IL1RAPL2: variants seen among roughly 807,000 people sequenced by gnomAD.
The protein encoded by IL1RAPL2 is interleukin 1 receptor accessory protein like 2, also known as X-linked interleukin-1 receptor accessory protein-like 2.
In IL1RAPL2, 3 loss-of-function variants were observed where a neutral mutation model predicts 44.1. The observed-to-expected ratio is 0.07, with a 90% CI of 0.03 to 0.18. The LOEUF (loss-of-function observed/expected upper bound fraction) is 0.18. Among genes scored for constraint, IL1RAPL2 ranks in the 10% least tolerant of loss-of-function variants. The pLI, the probability that IL1RAPL2 is intolerant of heterozygous loss-of-function variation, is 1.00. For missense variants in IL1RAPL2, 391 were observed against 496.4 expected (o/e 0.79, Z 2.02); for synonymous variants, 181 against 178.8 (o/e 1.01, Z -0.10).
chrX:105,767,568 T>TAAC lies in IL1RAPL2; in HGVS notation c.1970_1972dup (p.Asn657dup). The TAAC allele has an allele frequency of 9.1e-6, 11 of 1,210,460 alleles. No homozygotes were observed. The highest frequency in any genetic ancestry group is 1.2e-5 in the Non-Finnish European group (11 of 894,414). On this transcript the variant is annotated inframe_insertion, in exon 11 of 11. Coordinates refer to ENST00000372582, the MANE Select transcript of IL1RAPL2 (RefSeq NM_017416.2). Reference sequence around the variant, plus strand: ...TACTCAACGGACAGCTACCCCTTAATAACACCCTGAAAGATACCCAGGAAT... The same window carrying TAAC: ...TACTCAACGGACAGCTACCCCTTAATAACAACACCCTGAAAGATACCCAGGAAT...
intron 6 of IL1RAPL2, among the ~76,000 whole-genome samples, chrX:105,572,425 A>G (rs775662382): frequency 1.8e-5 from 2 of 112,025 alleles, no homozygotes; most frequent in South Asian, 7.4e-4. Flanking sequence ...AAAATTAATT[A>G]CTATTTGGTT....
chrX:104,754,021 C>G (rs1157307316), intron 2 of IL1RAPL2, among the ~76,000 whole-genome samples: 1 of 111,109 alleles, frequency 9.0e-6, no homozygotes, highest in East Asian at 2.8e-4. Context: ...CTTCAAAGTA[C>G]GTTGTGGATG....
At chrX:104,746,095 A>G (rs768110224) in intron 2 of IL1RAPL2, among the ~76,000 whole-genome samples, 1 of 112,065 alleles carries the variant, frequency 8.9e-6, no homozygotes, top group African/African-American at 3.2e-5. Context: ...ATGGTAAGAA[A>G]ACAAAACAAT....
intron 6 of IL1RAPL2, among the ~76,000 whole-genome samples, chrX:105,701,245 G>A (rs1446206199): frequency 3.6e-5 from 4 of 111,318 alleles, no homozygotes; most frequent in Non-Finnish European, 3.8e-5. Flanking sequence ...GTATGGAGAT[G>A]TAAGAGTAGA....
intron 2 of IL1RAPL2, among the ~76,000 whole-genome samples, chrX:104,916,778 AG>A (rs878954657): frequency 9.0e-6 from 1 of 111,041 alleles, no homozygotes; most frequent in Non-Finnish European, 1.9e-5. Context: ...TTTAGCATGA[AG>A]GGTTGTTGAA....
chrX:104,783,029 A>T (rs906167816), intron 2 of IL1RAPL2, among the ~76,000 whole-genome samples: 1 of 111,945 alleles, frequency 8.9e-6, no homozygotes, highest in Non-Finnish European at 1.9e-5. Flanking sequence ...TGGGCATTAA[A>T]AGTTCCTCCA....
At chrX:104,895,413 T>G (rs1923612652) in intron 2 of IL1RAPL2, among the ~76,000 whole-genome samples, 1 of 112,585 alleles carries the variant, frequency 8.9e-6, no homozygotes, top group African/African-American at 3.2e-5. Context: ...CAGGACTCCT[T>G]TAGCTGTGGT....
chrX:105,272,856 T>A (rs2147659280), intron 5 of IL1RAPL2, among the ~76,000 whole-genome samples: 1 of 112,273 alleles, frequency 8.9e-6, no homozygotes, highest in Non-Finnish European at 1.9e-5. Flanking sequence ...TTTCCTCTGG[T>A]GTGGAAAATG....
intron 2 of IL1RAPL2, among the ~76,000 whole-genome samples, chrX:104,709,667 A>G (rs967849148): frequency 9.0e-6 from 1 of 111,389 alleles, no homozygotes; most frequent in Non-Finnish European, 1.9e-5. Flanking sequence ...AACATCATCA[A>G]AACAAAACAC....
intron 6 of IL1RAPL2, among the ~76,000 whole-genome samples, chrX:105,670,214 A>AT (rs2037811132): frequency 1.8e-5 from 1 of 56,372 alleles, no homozygotes. Flanking sequence ...AAATGGACTG[A>AT]TTTTTCCTAC....
chrX:104,898,917 A>G, intron 2 of IL1RAPL2, among the ~76,000 whole-genome samples: 1 of 112,535 alleles, frequency 8.9e-6, no homozygotes, highest in Non-Finnish European at 1.9e-5. Flanking sequence ...TTGTTTTTGT[A>G]TGATAAAAGA....
intron 2 of IL1RAPL2, among the ~76,000 whole-genome samples, chrX:104,945,970 C>T (rs1925335270): frequency 9.1e-6 from 1 of 110,059 alleles, no homozygotes. Context: ...AAAGTAGTCC[C>T]ATTTTTAAAG....
chrX:105,408,792 G>T (rs1239796762), intron 5 of IL1RAPL2, among the ~76,000 whole-genome samples: 2 of 109,989 alleles, frequency 1.8e-5, no homozygotes, highest in African/African-American at 3.3e-5. Context: ...ACTGCAGAAG[G>T]ATCTGAAAGA....
chrX:104,638,056 A>T (rs1929860999), intron 1 of IL1RAPL2, among the ~76,000 whole-genome samples: 1 of 110,715 alleles, frequency 9.0e-6, no homozygotes, highest in African/African-American at 3.3e-5. Context: ...TTATTGGTCT[A>T]TTCTCATTTT....
chrX:105,262,968 C>G (rs1603037866), intron 4 of IL1RAPL2, among the ~76,000 whole-genome samples: 1 of 110,282 alleles, frequency 9.1e-6, no homozygotes, highest in East Asian at 2.9e-4. Flanking sequence ...TCATTGCAAC[C>G]TCTGCCTCCT....
intron 5 of IL1RAPL2, among the ~76,000 whole-genome samples, chrX:105,457,033 TACAC>T (rs58305468): frequency 0.06 from 5,135 of 85,219 alleles, 295 homozygotes; most frequent in African/African-American, 0.18. Flanking sequence ...TCTAAAGTTA[TACAC>T]ACACACACAC....
In IL1RAPL2 at chrX:104,848,229, T is replaced by C. The variant is rs1922111240; in HGVS notation, c.82+189234T>C. On this transcript the variant is annotated intron_variant, in intron 2 of 10. Coordinates refer to ENST00000372582, the MANE Select transcript of IL1RAPL2 (RefSeq NM_017416.2). Reference sequence around the variant, plus strand: ...GCCCTGGCCAGAACTTCCAACGCTATGTTGAATAGTAGTTTTAAAAATAAA... The same window carrying C: ...GCCCTGGCCAGAACTTCCAACGCTACGTTGAATAGTAGTTTTAAAAATAAA... 3.7e-5 allele frequency among the ~76,000 whole-genome samples: 4 copies of C among 109,473 alleles called. No individual in the cohort carries two copies. In the South Asian group the frequency reaches 1.6e-3, roughly 43 times the overall value.
At chrX:104,900,099 C>T (rs891923136) in intron 2 of IL1RAPL2, among the ~76,000 whole-genome samples, 21 of 111,710 alleles carry the variant, frequency 1.9e-4, no homozygotes, top group African/African-American at 6.5e-4. Flanking sequence ...AGCCAATTCC[C>T]ATTTTCCTCA....
At chrX:105,285,688 C>T (rs1466156734) in intron 5 of IL1RAPL2, among the ~76,000 whole-genome samples, 1 of 111,868 alleles carries the variant, frequency 8.9e-6, no homozygotes, top group Non-Finnish European at 1.9e-5. Flanking sequence ...TTCTAATACT[C>T]CACAGTGTCT....
Sources: allele counts gnomAD v4.1 joint callset (sites outside exome capture counted in the v4.1 genomes callset), GRCh38; gene constraint gnomAD v4.1.1; transcripts MANE v1.5; gene names NCBI Gene and HGNC (gene_info 2026-07-23, HGNC 2026-07-21).